The following TAS2R1 variants were observed in gnomAD, a reference collection of about 807,000 sequenced individuals.
TAS2R1 encodes the protein taste 2 receptor member 1, also known as taste receptor type 2 member 1.
For missense variants in TAS2R1, 370 were observed against 353.4 expected (o/e 1.05, Z -0.38); for synonymous variants, 141 against 134.2 (o/e 1.05, Z -0.35).
chr5:9,681,399 G>A (rs78064371), intron 1 of TAS2R1, among the ~76,000 whole-genome samples: 5,393 of 151,644 alleles, frequency 0.036, 130 homozygotes, highest in African/African-American at 0.072. Flanking sequence ...TTTCCTTTAA[G>A]CCCTTTAATG....
chr5:9,861,248 G>GT, the TAS2R1 span, among the ~76,000 whole-genome samples: 1 of 151,840 alleles, frequency 6.6e-6, no homozygotes, highest in Non-Finnish European at 1.5e-5. Context: ...GCAGCTGGCC[G>GT]TATTTCCCAC....
At chr5:9,725,760 C>T in the TAS2R1 span, among the ~76,000 whole-genome samples, 4 of 152,352 alleles carry the variant, frequency 2.6e-5, no homozygotes, top group Admixed American at 6.5e-5. Flanking sequence ...AGCTCCAGTG[C>T]GGGATCCACT....
At chr5:9,735,721 A>G in the TAS2R1 span, among the ~76,000 whole-genome samples, 2 of 152,216 alleles carry the variant, frequency 1.3e-5, no homozygotes, top group African/African-American at 4.8e-5. Context: ...ATATACTTAC[A>G]TCCCTCGACT....
chr5:9,738,597 T>C, the TAS2R1 span, among the ~76,000 whole-genome samples: 2 of 152,190 alleles, frequency 1.3e-5, no homozygotes, highest in African/African-American at 2.4e-5. Context: ...AACACCCATT[T>C]CTATTTTTGG....
At chr5:9,895,090 A>G in the TAS2R1 span, among the ~76,000 whole-genome samples, 1 of 152,056 alleles carries the variant, frequency 6.6e-6, no homozygotes, top group Non-Finnish European at 1.5e-5. Flanking sequence ...AGTTCAGCTC[A>G]CTCTCTACCT....
the TAS2R1 span, among the ~76,000 whole-genome samples, chr5:9,755,423 C>T: frequency 1.3e-5 from 2 of 151,488 alleles, no homozygotes; most frequent in Admixed American, 1.3e-4. Flanking sequence ...CCTGTCTCTA[C>T]TAAAATACAA....
At chr5:9,657,030 G>A (rs1740429112) in intron 2 of TAS2R1, among the ~76,000 whole-genome samples, 1 of 151,876 alleles carries the variant, frequency 6.6e-6, no homozygotes, top group Non-Finnish European at 1.5e-5. Context: ...TTCACAATAT[G>A]TTAAATTTAA....
chr5:9,689,080 A>G (rs1741183959), intron 1 of TAS2R1, among the ~76,000 whole-genome samples: 1 of 152,144 alleles, frequency 6.6e-6, no homozygotes, highest in Non-Finnish European at 1.5e-5. Context: ...CTTTTCCAGG[A>G]TCACTCTCAA....
chr5:9,737,756 A>C, the TAS2R1 span, among the ~76,000 whole-genome samples: 1 of 152,204 alleles, frequency 6.6e-6, no homozygotes, highest in African/African-American at 2.4e-5. Context: ...CAGTATCCCA[A>C]AGCTCTGAAG....
At chr5:9,644,817 G>T in intron 2 of TAS2R1, among the ~76,000 whole-genome samples, 1 of 152,244 alleles carries the variant, frequency 6.6e-6, no homozygotes, top group Middle Eastern at 3.4e-3. Context: ...ATGCCCTGAC[G>T]AGAGCAGAGT....
At chr5:9,903,323 T>C in the TAS2R1 span, among the ~76,000 whole-genome samples, 2 of 152,056 alleles carry the variant, frequency 1.3e-5, no homozygotes, top group Non-Finnish European at 2.9e-5. Flanking sequence ...GTTTCATCCA[T>C]GTTGTCCTTT....
chr5:9,707,261 A>G (rs915021751), intron 1 of TAS2R1, among the ~76,000 whole-genome samples: 16 of 152,170 alleles, frequency 1.1e-4, no homozygotes, highest in African/African-American at 3.6e-4. Context: ...AAAGAGATCC[A>G]TGAGTCCTGC....
At chr5:9,661,972 G>A (rs924817120) in intron 1 of TAS2R1, among the ~76,000 whole-genome samples, 14 of 152,130 alleles carry the variant, frequency 9.2e-5, no homozygotes, top group African/African-American at 3.4e-4. Context: ...TTCTTCTGTT[G>A]GTTTCACCAG....
intron 1 of TAS2R1, among the ~76,000 whole-genome samples, chr5:9,694,906 C>G (rs1741327414): frequency 6.6e-6 from 1 of 152,120 alleles, no homozygotes; most frequent in South Asian, 2.1e-4. Context: ...TTTCTCAAAT[C>G]CATGATATCA....
intron 1 of TAS2R1, among the ~76,000 whole-genome samples, chr5:9,672,123 C>G (rs755569106): frequency 6.6e-6 from 1 of 152,256 alleles, no homozygotes; most frequent in Admixed American, 6.5e-5. Context: ...TTCCTTACAT[C>G]ATATACAAAA....
chr5:9,901,976 G>A, the TAS2R1 span, among the ~76,000 whole-genome samples: 1 of 152,008 alleles, frequency 6.6e-6, no homozygotes, highest in African/African-American at 2.4e-5. Flanking sequence ...TCAGAGTAGT[G>A]GACTCGCTGG....
the TAS2R1 span, among the ~76,000 whole-genome samples, chr5:9,751,187 A>G: frequency 1.3e-5 from 2 of 151,710 alleles, no homozygotes; most frequent in South Asian, 4.2e-4. Flanking sequence ...AAAATGTTAC[A>G]AAATTGGAAA....
chr5:9,731,851 T>C, the TAS2R1 span, among the ~76,000 whole-genome samples: 7 of 152,258 alleles, frequency 4.6e-5, no homozygotes, highest in African/African-American at 1.4e-4. Flanking sequence ...TTACAAATCA[T>C]GGTAACCATG....
At chr5:9,789,937 T>A in the TAS2R1 span, among the ~76,000 whole-genome samples, 1 of 152,358 alleles carries the variant, frequency 6.6e-6, no homozygotes, top group East Asian at 1.9e-4. Context: ...GGACATGCCA[T>A]CCTCATGGCA....
Sources: gnomAD v4.1 joint callset for allele counts (sites outside exome capture counted in the v4.1 genomes callset) on GRCh38, gnomAD v4.1.1 for gene constraint, MANE v1.5 for transcripts, NCBI Gene and HGNC (gene_info 2026-07-23, HGNC 2026-07-21) for gene names.